KLHL20: variants seen among roughly 807,000 people sequenced by gnomAD.
The protein encoded by KLHL20 is kelch like family member 20.
A neutral mutation model predicts 69.5 loss-of-function variants in KLHL20; 29 were observed. That is an observed-to-expected ratio of 0.42 (90% confidence interval 0.31 to 0.57). KLHL20 has a LOEUF of 0.57. KLHL20 is among the 20% of genes least tolerant of loss of function. The pLI, the probability that KLHL20 is intolerant of heterozygous loss-of-function variation, is 0.18. For missense variants in KLHL20, 419 were observed against 776.0 expected (o/e 0.54, Z 5.47); for synonymous variants, 253 against 265.2 (o/e 0.95, Z 0.45).
chr1:173,717,118 CATA>C (rs1671501585), intron 2 of KLHL20, among the ~76,000 whole-genome samples: 1 of 152,144 alleles, frequency 6.6e-6, no homozygotes, highest in African/African-American at 2.4e-5. Flanking sequence ...AAATTAACAA[CATA>C]ATATTAAATA....
chr1:173,785,113 T>A, intron 11 of KLHL20, 50 bp from the exon 12 acceptor site: 1 of 1,426,408 alleles, frequency 7.0e-7, no homozygotes, highest in East Asian at 2.3e-5. Context: ...ACATCTTAGT[T>A]GTAACATATT....
chr1:173,765,514 A>T (rs1647643645), intron 7 of KLHL20, among the ~76,000 whole-genome samples: 1 of 152,212 alleles, frequency 6.6e-6, no homozygotes, highest in Admixed American at 6.5e-5. Flanking sequence ...AAAAAAAAAA[A>T]AATTAAGCAT....
At chr1:173,741,754 G>A in intron 3 of KLHL20, 1 of 1,428,754 alleles carries the variant, frequency 7.0e-7, no homozygotes, top group South Asian at 1.2e-5. Flanking sequence ...CTGGTTCAGA[G>A]CCCCAATTCC....
intron 2 of KLHL20, among the ~76,000 whole-genome samples, chr1:173,718,670 G>T (rs1391126345): frequency 6.6e-6 from 1 of 152,040 alleles, no homozygotes; most frequent in Non-Finnish European, 1.5e-5. Flanking sequence ...CGAGGCTGTG[G>T]TGATCATGCC....
At chr1:173,761,738 C>T (rs773952173) in intron 7 of KLHL20, among the ~76,000 whole-genome samples, 22 of 152,074 alleles carry the variant, frequency 1.4e-4, no homozygotes, top group East Asian at 5.8e-4. Context: ...ACAGCAAAGG[C>T]GGTGCTAAGA....
intron 5 of KLHL20, among the ~76,000 whole-genome samples, chr1:173,755,311 G>A (rs537231206): frequency 1.1e-4 from 16 of 152,188 alleles, no homozygotes; most frequent in African/African-American, 3.6e-4. Context: ...CCGCCCCTCA[G>A]CCTCCCAAAG....
At chr1:173,771,983 C>G (rs1571926791) in intron 8 of KLHL20, among the ~76,000 whole-genome samples, 1 of 152,022 alleles carries the variant, frequency 6.6e-6, no homozygotes, top group African/African-American at 2.4e-5. Context: ...CCTTGAAAAC[C>G]AGAGTGTGGA....
intron 5 of KLHL20, among the ~76,000 whole-genome samples, chr1:173,755,059 CT>C (rs372616022): frequency 9.2e-4 from 123 of 133,508 alleles, no homozygotes; most frequent in Admixed American, 9.9e-4. Context: ...AAGTCTTTGT[CT>C]TTTTTTTTTT....
chr1:173,784,398 G>A (rs1254511012), intron 11 of KLHL20, among the ~76,000 whole-genome samples: 1 of 152,162 alleles, frequency 6.6e-6, no homozygotes, highest in Non-Finnish European at 1.5e-5. Context: ...CATAATTTCT[G>A]AAGACAGCCA....
intron 3 of KLHL20, among the ~76,000 whole-genome samples, chr1:173,739,615 G>A (rs1050719006): frequency 2.2e-5 from 3 of 135,008 alleles, no homozygotes; most frequent in Admixed American, 2.2e-4. Flanking sequence ...GTTATCTTTT[G>A]TATTTCTGTG....
chr1:173,778,106 T>C (rs2102536766), intron 10 of KLHL20, among the ~76,000 whole-genome samples: 1 of 152,266 alleles, frequency 6.6e-6, no homozygotes, highest in Admixed American at 6.5e-5. Context: ...AGGGTACATG[T>C]GCACAAAGTG....
intron 2 of KLHL20, among the ~76,000 whole-genome samples, chr1:173,724,316 T>C (rs1371402101): frequency 6.6e-6 from 1 of 151,988 alleles, no homozygotes; most frequent in Non-Finnish European, 1.5e-5. Flanking sequence ...CCTCCGAAAA[T>C]TCTTATGTTT....
intron 2 of KLHL20, among the ~76,000 whole-genome samples, chr1:173,728,347 TA>T: frequency 6.6e-6 from 1 of 152,178 alleles, no homozygotes; most frequent in South Asian, 2.1e-4. Flanking sequence ...GACAGAAAGT[TA>T]ACAAGGATAT....
intron 8 of KLHL20, among the ~76,000 whole-genome samples, chr1:173,768,570 A>T (rs1647877682): frequency 6.6e-6 from 1 of 152,222 alleles, no homozygotes; most frequent in Non-Finnish European, 1.5e-5. Context: ...GGTTAGCAGC[A>T]GTGATGGCAT....
chr1:173,744,406 A>G (rs934773444), intron 3 of KLHL20, among the ~76,000 whole-genome samples: 26 of 152,060 alleles, frequency 1.7e-4, no homozygotes, highest in Non-Finnish European at 3.7e-4. Context: ...TCCATGATAC[A>G]TGTCACAAAT....
chr1:173,747,987 A>G (rs552919389), intron 3 of KLHL20, among the ~76,000 whole-genome samples: 3 of 152,066 alleles, frequency 2.0e-5, no homozygotes, highest in Non-Finnish European at 2.9e-5. Flanking sequence ...GAAAGAGAAG[A>G]TATCACTACA....
chr1:173,730,738 T>G (rs1672230959), intron 2 of KLHL20, among the ~76,000 whole-genome samples: 1 of 152,176 alleles, frequency 6.6e-6, no homozygotes, highest in African/African-American at 2.4e-5. Flanking sequence ...ATTAAAGACT[T>G]AAATATTTGA....
At chr1:173,742,120 C>T (rs1352770537) in intron 3 of KLHL20, among the ~76,000 whole-genome samples, 1 of 152,122 alleles carries the variant, frequency 6.6e-6, no homozygotes, top group African/African-American at 2.4e-5. Flanking sequence ...TCCCCTTAAA[C>T]ATATGAAATA....
chr1:173,727,894 A>T (rs1454468729), intron 2 of KLHL20, among the ~76,000 whole-genome samples: 1 of 152,226 alleles, frequency 6.6e-6, no homozygotes, highest in East Asian at 1.9e-4. Flanking sequence ...AAATCCACAC[A>T]TAACAATATT....
Sources: gnomAD v4.1 joint callset for allele counts (sites outside exome capture counted in the v4.1 genomes callset) on GRCh38, gnomAD v4.1.1 for gene constraint, MANE v1.5 for transcripts, NCBI Gene and HGNC (gene_info 2026-07-23, HGNC 2026-07-21) for gene names.